Variants in STXBP6 observed in about 807,000 individuals in gnomAD.
The protein encoded by STXBP6 is syntaxin binding protein 6, also known as syntaxin-binding protein 6.
STXBP6 carries 21 observed loss-of-function variants against 26.9 expected under a neutral mutation model. The observed-to-expected ratio is 0.78, with a 90% confidence interval of 0.55 to 1.12. The LOEUF is 1.12. Ranked by LOEUF, STXBP6 falls within the 50% of genes most tolerant of loss-of-function variation. The probability of loss-of-function intolerance (pLI) is 0.00; values close to 1 mark genes in which losing one functional copy is unlikely to be tolerated. For synonymous variants in STXBP6, 97 were observed against 92.6 expected (o/e 1.05, Z -0.27); for missense variants, 232 against 257.9 (o/e 0.90, Z 0.69).
At chr14:24,866,438 C>A (rs745728081) in intron 2 of STXBP6, among the ~76,000 whole-genome samples, 1 of 151,918 alleles carries the variant, frequency 6.6e-6, no homozygotes, top group South Asian at 2.1e-4. Flanking sequence ...TGTGTATATG[C>A]GTGTGTATAT....
At chr14:24,886,476 C>T (rs954422373) in intron 2 of STXBP6, among the ~76,000 whole-genome samples, 4 of 152,110 alleles carry the variant, frequency 2.6e-5, no homozygotes, top group African/African-American at 9.7e-5. Context: ...ATTAAGTATT[C>T]AATAAATGCT....
chr14:24,889,064 G>C (rs2070694791), intron 2 of STXBP6, among the ~76,000 whole-genome samples: 1 of 151,750 alleles, frequency 6.6e-6, no homozygotes, highest in Non-Finnish European at 1.5e-5. Context: ...GTGACATCAG[G>C]GGCTTCCCCA....
intron 4 of STXBP6, among the ~76,000 whole-genome samples, chr14:24,852,766 T>C (rs1288768126): frequency 1.3e-5 from 2 of 152,134 alleles, no homozygotes; most frequent in Non-Finnish European, 1.5e-5. Context: ...CCCAGGAATG[T>C]AGTGGCTAAA....
intron 4 of STXBP6, among the ~76,000 whole-genome samples, chr14:24,844,124 A>G (rs1022044266): frequency 6.6e-6 from 1 of 152,210 alleles, no homozygotes; most frequent in Non-Finnish European, 1.5e-5. Flanking sequence ...AAGCCCCTAA[A>G]TGATGGGATC....
chr14:24,933,253 G>T (rs1313246541), intron 2 of STXBP6, among the ~76,000 whole-genome samples: 2 of 152,128 alleles, frequency 1.3e-5, no homozygotes, highest in Admixed American at 6.5e-5. Flanking sequence ...GAGGTGGGAG[G>T]ATCCCCTGAG....
rs377343638 is a variant in STXBP6 at position 24,882,327 on chromosome 14, C to T, written c.155-25170G>A. Among the ~76,000 whole-genome samples the T allele has an allele frequency of 4.9e-5, 6 of 123,330 alleles. No individual in the cohort carries two copies. The Admixed American group carries it at 6.0e-4, about 12-fold the overall frequency. 80.9% of individuals were successfully genotyped at this position (123,330 alleles called of 152,430 possible). ...CCGGGAGGCGGAGCTTGCAGTGAGC[C>T]GAGATCCCGCCACTGCACTCCAGCC... On this transcript the variant is annotated intron_variant, in intron 2 of 5. Transcript: ENST00000323944.
At chr14:24,904,017 T>C (rs2071301223) in intron 2 of STXBP6, among the ~76,000 whole-genome samples, 2 of 152,178 alleles carry the variant, frequency 1.3e-5, no homozygotes, top group South Asian at 4.1e-4. Context: ...GGTTTTGGTA[T>C]AGTCCCTTTG....
chr14:24,901,083 T>G (rs1043631562), intron 2 of STXBP6, among the ~76,000 whole-genome samples: 1 of 152,142 alleles, frequency 6.6e-6, no homozygotes, highest in African/African-American at 2.4e-5. Flanking sequence ...AGAAGGGAAT[T>G]TCTAGTCTCA....
chr14:24,999,660 A>G (rs2074703248), intron 1 of STXBP6, among the ~76,000 whole-genome samples: 1 of 152,160 alleles, frequency 6.6e-6, no homozygotes, highest in African/African-American at 2.4e-5. Context: ...AAGACTATAG[A>G]AGGTACAACT....
intron 2 of STXBP6, among the ~76,000 whole-genome samples, chr14:24,871,249 T>C (rs969839176): frequency 6.6e-6 from 1 of 152,144 alleles, no homozygotes; most frequent in African/African-American, 2.4e-5. Context: ...CCAGCTCCCA[T>C]TCCCAATCAA....
At position 25,028,617 on chromosome 14, in the gene STXBP6, C is replaced by T. The variant is rs1462461616; in HGVS notation, c.-33+21261G>A. On this transcript the variant is annotated intron_variant, in intron 1 of 5. Coordinates refer to ENST00000323944, the MANE Select transcript of STXBP6 (RefSeq NM_001394410.1). Reference sequence around the variant, plus strand: ...GATTAATGTTGTTTTCATGTCTAATCATCCATTCTTCAGCCCATGGATCAA... The same window carrying T: ...GATTAATGTTGTTTTCATGTCTAATTATCCATTCTTCAGCCCATGGATCAA... Among the ~76,000 whole-genome samples the T allele has an allele frequency of 2.0e-5, 3 of 152,266 alleles. No homozygotes were observed. The East Asian group carries it at 5.8e-4, about 29-fold the overall frequency.
At chr14:25,036,833 G>T (rs1385180528) in intron 1 of STXBP6, among the ~76,000 whole-genome samples, 1 of 142,482 alleles carries the variant, frequency 7.0e-6, no homozygotes, top group African/African-American at 2.7e-5. Context: ...TCCAGCCTGG[G>T]CGACAGAGCA....
chr14:24,852,905 T>A (rs2069201411), intron 4 of STXBP6, among the ~76,000 whole-genome samples: 1 of 152,146 alleles, frequency 6.6e-6, no homozygotes, highest in African/African-American at 2.4e-5. Context: ...CCTGGCATCT[T>A]ATCTTTACGA....
At chr14:24,899,060 T>C (rs1439968452) in intron 2 of STXBP6, among the ~76,000 whole-genome samples, 1 of 152,194 alleles carries the variant, frequency 6.6e-6, no homozygotes, top group Admixed American at 6.5e-5. Context: ...TGCCTTGGTC[T>C]TTCCAGTGAC....
At chr14:24,879,238 T>C (rs1045851383) in intron 2 of STXBP6, among the ~76,000 whole-genome samples, 1 of 152,212 alleles carries the variant, frequency 6.6e-6, no homozygotes, top group African/African-American at 2.4e-5. Flanking sequence ...AGATTGGTTT[T>C]GCTATGGTCA....
At chr14:24,899,803 A>AAAC (rs2071143785) in intron 2 of STXBP6, among the ~76,000 whole-genome samples, 3 of 80,114 alleles carry the variant, frequency 3.7e-5, no homozygotes, top group Admixed American at 1.7e-4. Context: ...AAAAAAAGCA[A>AAAC]AAAAAAAAAA....
intron 2 of STXBP6, among the ~76,000 whole-genome samples, chr14:24,943,144 G>C (rs556066817): frequency 4.5e-4 from 68 of 152,288 alleles, no homozygotes; most frequent in South Asian, 1.0e-3. Flanking sequence ...AGGCAAGAAG[G>C]CTGGGAAATC....
chr14:24,849,270 G>A (rs2069066914), intron 4 of STXBP6, among the ~76,000 whole-genome samples: 1 of 152,082 alleles, frequency 6.6e-6, no homozygotes, highest in African/African-American at 2.4e-5. Flanking sequence ...TGGCTGCAAT[G>A]AGGAGGATGG....
At chr14:24,923,871 T>C (rs1011811251) in intron 2 of STXBP6, among the ~76,000 whole-genome samples, 2 of 152,220 alleles carry the variant, frequency 1.3e-5, no homozygotes, top group African/African-American at 4.8e-5. Flanking sequence ...GGCAGTCTTT[T>C]CACTTTGCTT....
Sources: allele counts gnomAD v4.1 joint callset (sites outside exome capture counted in the v4.1 genomes callset), GRCh38; gene constraint gnomAD v4.1.1; transcripts MANE v1.5; gene names NCBI Gene and HGNC (gene_info 2026-07-23, HGNC 2026-07-21).